The following GALNT13 variants were observed in gnomAD, a reference collection of about 807,000 sequenced individuals.
GALNT13 encodes UDP-GalNAc:polypeptide N-acetylgalactosaminyltransferase 13.
GALNT13 carries 28 observed loss-of-function variants against 64.2 expected under a neutral mutation model. The ratio of observed to expected loss-of-function variants is 0.44; its 90% confidence interval spans 0.32 to 0.60. The LOEUF is 0.60. Ranked by LOEUF, GALNT13 falls within the 20% of genes least tolerant of loss-of-function variation. GALNT13 has a pLI of 0.05. For missense variants in GALNT13, 577 were observed against 669.8 expected, an observed-to-expected ratio of 0.86 and a Z score of 1.53; for synonymous variants, 214 against 224.6, an observed-to-expected ratio of 0.95 and a Z score of 0.42.
chr2:153,975,846 G>T (rs945594083), intron 3 of GALNT13, among the ~76,000 whole-genome samples: 1 of 151,972 alleles, frequency 6.6e-6, no homozygotes, highest in Non-Finnish European at 1.5e-5. Context: ...ACAAAAAAAC[G>T]GTAACTGTAA....
chr2:153,410,127 C>G, the GALNT13 span, among the ~76,000 whole-genome samples: 3 of 152,122 alleles, frequency 2.0e-5, no homozygotes, highest in African/African-American at 7.2e-5. Context: ...ACTCTGTCAC[C>G]TAGGCTGGGG....
chr2:153,522,778 T>C, the GALNT13 span, among the ~76,000 whole-genome samples: 1 of 152,186 alleles, frequency 6.6e-6, no homozygotes, highest in South Asian at 2.1e-4. Context: ...GATATGTCTT[T>C]TCCAAATATT....
intron 2 of GALNT13, among the ~76,000 whole-genome samples, chr2:153,929,547 G>A (rs1332596383): frequency 6.6e-6 from 1 of 151,990 alleles, no homozygotes; most frequent in Non-Finnish European, 1.5e-5. Context: ...TCTTCTTTAT[G>A]TCTATGTGTA....
At chr2:153,630,225 A>G in the GALNT13 span, among the ~76,000 whole-genome samples, 1 of 152,042 alleles carries the variant, frequency 6.6e-6, no homozygotes, top group Admixed American at 6.5e-5. Flanking sequence ...ACTATTCACA[A>G]TAGCAGAGAC....
the GALNT13 span, among the ~76,000 whole-genome samples, chr2:153,074,363 C>A: frequency 6.6e-6 from 1 of 152,228 alleles, no homozygotes; most frequent in East Asian, 1.9e-4. Context: ...AGGTGACTAA[C>A]AAGATTCATT....
At chr2:153,655,862 A>C in the GALNT13 span, among the ~76,000 whole-genome samples, 1 of 152,108 alleles carries the variant, frequency 6.6e-6, no homozygotes, top group Non-Finnish European at 1.5e-5. Flanking sequence ...CTAGAAAGTG[A>C]GACTAAGGTA....
At chr2:153,933,150 T>C (rs1208327526) in intron 2 of GALNT13, among the ~76,000 whole-genome samples, 1 of 152,162 alleles carries the variant, frequency 6.6e-6, no homozygotes, top group Non-Finnish European at 1.5e-5. Flanking sequence ...TGGTCAAATG[T>C]TGAGTTCAGG....
chr2:154,291,134 T>G (rs1692604829), intron 8 of GALNT13, among the ~76,000 whole-genome samples: 1 of 152,150 alleles, frequency 6.6e-6, no homozygotes, highest in Non-Finnish European at 1.5e-5. Context: ...TGGCCTTTTA[T>G]TCCCTTATCT....
At chr2:153,095,256 G>T in the GALNT13 span, among the ~76,000 whole-genome samples, 1 of 152,288 alleles carries the variant, frequency 6.6e-6, no homozygotes, top group East Asian at 1.9e-4. Context: ...CTCAAAAGAA[G>T]ACATTTATGC....
chr2:154,115,879 C>A (rs1204959173), intron 3 of GALNT13, among the ~76,000 whole-genome samples: 1 of 152,108 alleles, frequency 6.6e-6, no homozygotes, highest in African/African-American at 2.4e-5. Flanking sequence ...ATCCAGATTT[C>A]TGCTTATATA....
chr2:153,968,967 G>T (rs1344258027), intron 3 of GALNT13, among the ~76,000 whole-genome samples: 2 of 151,798 alleles, frequency 1.3e-5, no homozygotes, highest in African/African-American at 2.4e-5. Flanking sequence ...TCTTTTTTTA[G>T]TTTTTTCACA....
chr2:153,958,975 G>C (rs565642928), intron 3 of GALNT13, among the ~76,000 whole-genome samples: 2 of 152,342 alleles, frequency 1.3e-5, no homozygotes, highest in South Asian at 4.1e-4. Context: ...AGGGGCCTAG[G>C]AACTCCCAGT....
chr2:153,423,279 C>A, the GALNT13 span, among the ~76,000 whole-genome samples: 1 of 151,772 alleles, frequency 6.6e-6, no homozygotes, highest in South Asian at 2.1e-4. Flanking sequence ...ATGATTATTT[C>A]AATACATGCA....
chr2:153,936,020 CAG>C (rs1307837342), intron 2 of GALNT13, among the ~76,000 whole-genome samples: 1 of 152,162 alleles, frequency 6.6e-6, no homozygotes, highest in Non-Finnish European at 1.5e-5. Flanking sequence ...ACAAAATATA[CAG>C]AGACTCATTA....
the GALNT13 span, among the ~76,000 whole-genome samples, chr2:153,529,001 G>A: frequency 1.3e-4 from 20 of 151,686 alleles, no homozygotes; most frequent in Admixed American, 8.5e-4. Flanking sequence ...AACCAGAAAT[G>A]CATCCTCAAC....
chr2:153,664,051 A>C, the GALNT13 span, among the ~76,000 whole-genome samples: 1 of 152,184 alleles, frequency 6.6e-6, no homozygotes, highest in Admixed American at 6.6e-5. Context: ...ATGAGGTTCC[A>C]TGTCCCGCTG....
intron 3 of GALNT13, among the ~76,000 whole-genome samples, chr2:153,992,274 G>A (rs1695206827): frequency 6.6e-6 from 1 of 152,242 alleles, no homozygotes; most frequent in Middle Eastern, 3.4e-3. Context: ...GTGTTTTAAT[G>A]TATCATATGC....
intron 3 of GALNT13, among the ~76,000 whole-genome samples, chr2:154,058,114 T>A (rs1699990771): frequency 6.6e-6 from 1 of 152,120 alleles, no homozygotes; most frequent in South Asian, 2.1e-4. Flanking sequence ...AATGAGATTA[T>A]AAGTGTGTGG....
the GALNT13 span, among the ~76,000 whole-genome samples, chr2:153,221,163 A>G: frequency 1.3e-5 from 2 of 152,110 alleles, no homozygotes; most frequent in Non-Finnish European, 2.9e-5. Flanking sequence ...CAGAAAAGAC[A>G]TTGTCAGTAT....
Sources: gnomAD v4.1 joint callset for allele counts (sites outside exome capture counted in the v4.1 genomes callset) on GRCh38, gnomAD v4.1.1 for gene constraint, MANE v1.5 for transcripts, NCBI Gene and HGNC (gene_info 2026-07-23, HGNC 2026-07-21) for gene names.